Variants in PVT1 observed in about 807,000 individuals in gnomAD.
PVT1 encodes CXCR4/PVT1 fusion.
At chr8:128,052,807 TC>T (rs1221354015) in intron 4 of PVT1, among the ~76,000 whole-genome samples, 1 of 152,222 alleles carries the variant, frequency 6.6e-6, no homozygotes. Context: ...TATTTTATCC[TC>T]ATTAGACCCA....
chr8:127,969,170 C>T (rs1816735740), intron 3 of PVT1, among the ~76,000 whole-genome samples: 1 of 152,182 alleles, frequency 6.6e-6, no homozygotes, highest in Non-Finnish European at 1.5e-5. Context: ...ACACTTGCCT[C>T]TGCTGATATG....
intron 3 of PVT1, among the ~76,000 whole-genome samples, chr8:127,972,390 C>G (rs978349709): frequency 6.6e-6 from 1 of 152,196 alleles, no homozygotes; most frequent in Non-Finnish European, 1.5e-5. Flanking sequence ...TCAATTGGAG[C>G]TGTTGAACTG....
chr8:127,906,562 TA>T (rs1815823660), intron 3 of PVT1, among the ~76,000 whole-genome samples: 1 of 152,076 alleles, frequency 6.6e-6, no homozygotes, highest in Non-Finnish European at 1.5e-5. Flanking sequence ...AGAAGTTGCT[TA>T]AAGGACACAT....
chr8:128,045,490 C>A (rs1287964628), intron 4 of PVT1, among the ~76,000 whole-genome samples: 1 of 152,150 alleles, frequency 6.6e-6, no homozygotes, highest in East Asian at 1.9e-4. Flanking sequence ...GTGTTATATG[C>A]TTTTTAAGTT....
At chr8:127,830,186 C>T (rs971242726) in intron 2 of PVT1, among the ~76,000 whole-genome samples, 2 of 152,194 alleles carry the variant, frequency 1.3e-5, no homozygotes, top group African/African-American at 4.8e-5. Context: ...AGATGTCTGG[C>T]ATTTTATTGC....
At chr8:127,860,601 A>G (rs1815212306) in intron 2 of PVT1, among the ~76,000 whole-genome samples, 1 of 151,882 alleles carries the variant, frequency 6.6e-6, no homozygotes, top group Admixed American at 6.6e-5. Context: ...CGTCTCTACT[A>G]AAAATACAAA....
At chr8:127,954,692 A>T (rs1816548416) in intron 3 of PVT1, among the ~76,000 whole-genome samples, 1 of 152,212 alleles carries the variant, frequency 6.6e-6, no homozygotes. Flanking sequence ...ACTGAGGCCC[A>T]GGGAGTGGCT....
At chr8:128,083,546 C>T (rs1814217610) in intron 5 of PVT1, among the ~76,000 whole-genome samples, 1 of 152,252 alleles carries the variant, frequency 6.6e-6, no homozygotes, top group Non-Finnish European at 1.5e-5. Flanking sequence ...ACTACCAAGT[C>T]GTGTCAACAA....
chr8:127,931,935 G>T lies in PVT1; in HGVS notation n.782+40937G>T, dbSNP rs115986298. Among the ~76,000 whole-genome samples, 14 of 152,350 alleles carry T rather than the reference G, an allele frequency of 9.2e-5. No individual in the cohort carries two copies. In the East Asian group the frequency reaches 2.3e-3, roughly 25 times the overall value. On this transcript the variant is annotated intron_variant and non_coding_transcript_variant, in intron 3 of 10. Coordinates refer to ENST00000651587, the Ensembl canonical transcript of PVT1. ...AGACAATGCCACTTCCTCGCTTGGC[G>T]CTGTGTGACTGCATAACAACGGGTT...
chr8:128,076,647 A>G (rs1414725633), intron 5 of PVT1, among the ~76,000 whole-genome samples: 3 of 152,162 alleles, frequency 2.0e-5, no homozygotes, highest in Non-Finnish European at 2.9e-5. Flanking sequence ...GCTTCCGTCT[A>G]TTGACATCAC....
At chr8:127,884,905 C>G (rs1245949655) in intron 2 of PVT1, among the ~76,000 whole-genome samples, 2 of 152,218 alleles carry the variant, frequency 1.3e-5, no homozygotes, top group African/African-American at 4.8e-5. Context: ...CAGACCATGT[C>G]ATAATTCTTC....
chr8:128,098,569 T>C (rs961060693), intron 6 of PVT1, among the ~76,000 whole-genome samples: 8 of 152,218 alleles, frequency 5.3e-5, no homozygotes, highest in Non-Finnish European at 1.0e-4. Context: ...TGTGTGACCT[T>C]GCACAGGTTA....
chr8:127,922,674 A>G (rs957285841), intron 3 of PVT1, among the ~76,000 whole-genome samples: 2 of 151,968 alleles, frequency 1.3e-5, no homozygotes, highest in Admixed American at 6.6e-5. Context: ...TGTGTCCCCC[A>G]CTCTACTGCC....
intron 2 of PVT1, among the ~76,000 whole-genome samples, chr8:127,833,707 G>A (rs535859301): frequency 2.9e-4 from 44 of 152,274 alleles, no homozygotes; most frequent in Non-Finnish European, 5.9e-4. Flanking sequence ...ACCTGCCTCA[G>A]CCTCCCAAAG....
chr8:128,018,842 C>A (rs1471989103), intron 4 of PVT1, among the ~76,000 whole-genome samples: 1 of 152,214 alleles, frequency 6.6e-6, no homozygotes, highest in East Asian at 1.9e-4. Flanking sequence ...CTTAAAATTC[C>A]CTGAATCCGA....
chr8:127,817,229 G>A (rs979197190), intron 2 of PVT1, among the ~76,000 whole-genome samples: 1 of 151,698 alleles, frequency 6.6e-6, no homozygotes, highest in African/African-American at 2.4e-5. Flanking sequence ...TGAGAGCGCT[G>A]TTCTGGAATA....
chr8:128,079,458 A>G (rs925084357), intron 5 of PVT1, among the ~76,000 whole-genome samples: 12 of 152,244 alleles, frequency 7.9e-5, no homozygotes, highest in Admixed American at 3.3e-4. Context: ...ATATTGATAC[A>G]TTAAGAGTTA....
intron 3 of PVT1, among the ~76,000 whole-genome samples, chr8:127,984,699 C>T (rs891591807): frequency 7.9e-5 from 12 of 151,868 alleles, no homozygotes; most frequent in Non-Finnish European, 1.6e-4. Flanking sequence ...CTCTGCCTCC[C>T]AGGTTCAAAC....
chr8:127,859,153 A>AT (rs1815193559), intron 2 of PVT1, among the ~76,000 whole-genome samples: 1 of 151,854 alleles, frequency 6.6e-6, no homozygotes, highest in Non-Finnish European at 1.5e-5. Flanking sequence ...TAAATTGAGT[A>AT]TTTTCTTCCT....
Sources: gnomAD v4.1 joint callset for allele counts (sites outside exome capture counted in the v4.1 genomes callset) on GRCh38, gnomAD v4.1.1 for gene constraint, MANE v1.5 for transcripts, NCBI Gene and HGNC (gene_info 2026-07-23, HGNC 2026-07-21) for gene names.